Variants in DOCK11 observed in about 807,000 individuals in gnomAD.
The protein encoded by DOCK11 is dedicator of cytokinesis 11.
Under a neutral mutation model 169.1 loss-of-function variants are expected in DOCK11, and 70 were observed. That is an observed-to-expected ratio of 0.41 (90% CI 0.34 to 0.51). The LOEUF (loss-of-function observed/expected upper bound fraction) is 0.51, where lower values mean the gene tolerates loss of function less well. Ranked by LOEUF, DOCK11 falls within the 20% of genes least tolerant of loss-of-function variation. The pLI is 0.10. For missense variants in DOCK11, 1,166 were observed against 1,538.8 expected, an observed-to-expected ratio of 0.76 and a Z score of 4.05; for synonymous variants, 529 against 541.3, an observed-to-expected ratio of 0.98 and a Z score of 0.32.
chrX:118,519,180 C>T (rs1407364730), intron 1 of DOCK11, among the ~76,000 whole-genome samples: 2 of 111,774 alleles, frequency 1.8e-5, no homozygotes, highest in Non-Finnish European at 3.8e-5. Context: ...TTGAATACTT[C>T]GAAGGCTTTG....
chrX:118,606,862 G>A (rs1251242816), intron 24 of DOCK11, among the ~76,000 whole-genome samples: 1 of 111,019 alleles, frequency 9.0e-6, no homozygotes, highest in Non-Finnish European at 1.9e-5. Flanking sequence ...GAGAGGGGCT[G>A]AGCAATCTAT....
chrX:118,540,400 C>T (rs954946804), intron 1 of DOCK11, among the ~76,000 whole-genome samples: 17 of 111,157 alleles, frequency 1.5e-4, no homozygotes, highest in East Asian at 8.4e-4. Context: ...CATGGAAACA[C>T]GGTAGATATG....
chrX:118,605,415 A>G (rs1372543337), intron 24 of DOCK11, 59 bp downstream of exon 24: 12 of 843,094 alleles, frequency 1.4e-5, no homozygotes, highest in Non-Finnish European at 1.7e-5. Flanking sequence ...CTTATTTTTT[A>G]ATGGAGGTAT....
chrX:118,547,030 A>G (rs2012311168), intron 6 of DOCK11, among the ~76,000 whole-genome samples: 1 of 109,976 alleles, frequency 9.1e-6, no homozygotes, highest in South Asian at 3.8e-4. Flanking sequence ...ACAAAAAAGG[A>G]TAAAATTGTG....
At chrX:118,607,306 A>G (rs1391768471) in intron 24 of DOCK11, among the ~76,000 whole-genome samples, 3 of 104,438 alleles carry the variant, frequency 2.9e-5, no homozygotes, top group African/African-American at 1.1e-4. Flanking sequence ...TAGTAGAGAC[A>G]GGGTTTCACT....
At chrX:118,673,622 G>C (rs998169615) in intron 46 of DOCK11, among the ~76,000 whole-genome samples, 2 of 111,993 alleles carry the variant, frequency 1.8e-5, no homozygotes, top group African/African-American at 6.5e-5. Context: ...AGGAATTTTA[G>C]AGAAAGAAGC....
intron 40 of DOCK11, among the ~76,000 whole-genome samples, chrX:118,645,581 C>T (rs1040290632): frequency 9.1e-6 from 1 of 109,294 alleles, no homozygotes; most frequent in African/African-American, 3.3e-5. Context: ...GTAATCCCAG[C>T]TACTCAGGAG....
At position 118,647,812 on chromosome X, in the gene DOCK11, T is replaced by TA. The variant is rs1465469373; in HGVS notation, c.4399-1132dup. ...ATATATTATAATATATAATAATATATATTATATTATTATAATATAATATTT... is the reference window on the plus strand; with the variant it reads ...ATATATTATAATATATAATAATATATAATTATATTATTATAATATAATATTT... On this transcript the variant is annotated intron_variant, in intron 40 of 52. Coordinates refer to ENST00000276202, the MANE Select transcript of DOCK11 (RefSeq NM_144658.4). Among the ~76,000 whole-genome samples, 47 of 49,749 alleles carry TA rather than the reference T, an allele frequency of 9.4e-4. 2 individuals carry two copies. The highest frequency in any genetic ancestry group is 3.8e-3 in the African/African-American group (42 of 11,075). 43.2% of individuals were successfully genotyped at this position (49,749 alleles called of 115,157 possible). A position where few individuals can be genotyped will look rare whatever the true frequency, so the allele number is the denominator to read the frequency against.
At position 118,641,143 on chromosome X, in the gene DOCK11, G is replaced by A. The variant is rs371937459; in HGVS notation, c.4145-47G>A. 5 of 942,046 alleles carry A rather than the reference G, an allele frequency of 5.3e-6. No homozygotes were observed. In the African/African-American group the frequency reaches 7.7e-5, roughly 15 times the overall value. The allele number at this position is 942,046 out of a possible 1,213,427, so 77.6% of individuals were successfully genotyped here. ...GTAGAAAGTCATTCAACACCATTAT[G>A]TGCATCTTCGTGTTGGGAAAAGTTT... On this transcript the variant is annotated intron_variant, in intron 38 of 52. Coordinates refer to ENST00000276202, the MANE Select transcript of DOCK11 (RefSeq NM_144658.4).
chrX:118,593,385 A>G, intron 20 of DOCK11, 48 bp downstream of exon 20: 1 of 1,149,882 alleles, frequency 8.7e-7, no homozygotes, highest in South Asian at 2.2e-5. Context: ...TTGAAATGGA[A>G]CTGTCCAGGG....
At chrX:118,575,704 G>C (rs2013422584) in intron 12 of DOCK11, among the ~76,000 whole-genome samples, 1 of 112,238 alleles carries the variant, frequency 8.9e-6, no homozygotes, top group East Asian at 2.8e-4. Flanking sequence ...GGATGCTTCT[G>C]AAAGAGGGAT....
chrX:118,554,414 G>T (rs987387335), intron 6 of DOCK11, among the ~76,000 whole-genome samples: 1 of 110,459 alleles, frequency 9.1e-6, no homozygotes, highest in Non-Finnish European at 1.9e-5. Context: ...GCCAGGCGTC[G>T]TGGTGTGCAC....
In DOCK11 at chrX:118,584,717, CT is replaced by C. The variant is rs1160052462; in HGVS notation, c.1596-16del. On this transcript the variant is annotated splice_polypyrimidine_tract_variant and intron_variant, in intron 14 of 52. Transcript: ENST00000276202. ...TGGAATTTTTTTTTTTAAAAAAATG[CT>C]TCTGTTGCTGTTTTAGACCCATTTT... 3.6e-6 allele frequency: 4 copies of C among 1,100,721 alleles called. No homozygotes were observed. 90.7% of individuals were successfully genotyped at this position (1,100,721 alleles called of 1,213,427 possible).
At chrX:118,625,896 C>G (rs1444704057) in intron 32 of DOCK11, among the ~76,000 whole-genome samples, 2 of 110,959 alleles carry the variant, frequency 1.8e-5, no homozygotes, top group Non-Finnish European at 3.8e-5. Context: ...AACATTCCTT[C>G]TCACATTAGA....
At chrX:118,590,513 C>T (rs373418334) in intron 19 of DOCK11, among the ~76,000 whole-genome samples, 97 of 111,273 alleles carry the variant, frequency 8.7e-4, no homozygotes, top group African/African-American at 3.0e-3. Context: ...AGGGGCTCTT[C>T]GACTTGAGGT....
chrX:118,496,554 A>T (rs982067939), intron 1 of DOCK11, among the ~76,000 whole-genome samples: 3 of 112,385 alleles, frequency 2.7e-5, no homozygotes, highest in Non-Finnish European at 3.8e-5. Context: ...CTGTGTACAC[A>T]AAAAAGAACC....
rs760878952 is a variant in DOCK11 at position 118,610,226 on chromosome X, A to G, written c.2950-46A>G. The G allele has an allele frequency of 1.6e-5, 19 of 1,185,030 alleles. No homozygotes were observed. In the South Asian group the frequency reaches 3.0e-4, roughly 19 times the overall value. ...TGAAAGTAAAAATGGCAATTGATTT[A>G]GACCTTTTGGAAGTCTGACTTTTTT... is the stretch of plus-strand genomic sequence containing the variant. On this transcript the variant is annotated intron_variant, in intron 27 of 52. Transcript: ENST00000276202.
intron 15 of DOCK11, 22 bp downstream of exon 15, chrX:118,584,879 A>G (rs370059154): frequency 1.7e-6 from 2 of 1,177,802 alleles, no homozygotes; most frequent in Non-Finnish European, 2.3e-6. Context: ...GTGTTTCTGC[A>G]ATAAGTAAAT....
At chrX:118,496,924 G>A (rs1458993561) in intron 1 of DOCK11, among the ~76,000 whole-genome samples, 1 of 111,409 alleles carries the variant, frequency 9.0e-6, no homozygotes, top group Non-Finnish European at 1.9e-5. Flanking sequence ...CTGACTCCCT[G>A]GGAACCCTCC....
Sources: gnomAD v4.1 joint callset for allele counts (sites outside exome capture counted in the v4.1 genomes callset) on GRCh38, gnomAD v4.1.1 for gene constraint, MANE v1.5 for transcripts, NCBI Gene and HGNC (gene_info 2026-07-23, HGNC 2026-07-21) for gene names.